Variants in CSMD1 observed in about 807,000 individuals in gnomAD.
The protein encoded by CSMD1 is CUB and sushi domain-containing protein 1.
A neutral mutation model predicts 417.5 loss-of-function variants in CSMD1; 213 were observed. The observed-to-expected ratio is 0.51, with a 90% CI of 0.46 to 0.57. CSMD1 has a LOEUF of 0.57. Ranked by LOEUF, CSMD1 falls within the 20% of genes least tolerant of loss-of-function variation. The pLI, the probability that CSMD1 is intolerant of heterozygous loss-of-function variation, is 0.00. For missense variants in CSMD1, 6,923 were observed against 4,529.7 expected, an observed-to-expected ratio of 1.53 and a Z score of -15.17; for synonymous variants, 2,862 against 1,736.8, an observed-to-expected ratio of 1.65 and a Z score of -16.11.
intron 18 of CSMD1, among the ~76,000 whole-genome samples, chr8:3,379,401 A>C (rs1046337229): frequency 7.9e-5 from 12 of 152,232 alleles, no homozygotes; most frequent in Non-Finnish European, 1.8e-4. Flanking sequence ...AAACTACTTA[A>C]AATGTCATAT....
intron 17 of CSMD1, among the ~76,000 whole-genome samples, chr8:3,390,695 G>C (rs551427749): frequency 2.0e-5 from 3 of 151,514 alleles, no homozygotes; most frequent in African/African-American, 7.3e-5. Flanking sequence ...ATAAGTGACT[G>C]AATACATTTG....
intron 51 of CSMD1, among the ~76,000 whole-genome samples, chr8:3,024,228 T>A (rs1271830850): frequency 6.7e-6 from 1 of 150,216 alleles, no homozygotes; most frequent in South Asian, 2.1e-4. Context: ...ACAGAAAAAA[T>A]GAATTAATGT....
At chr8:3,527,399 G>C (rs1002008252) in intron 10 of CSMD1, among the ~76,000 whole-genome samples, 1 of 152,130 alleles carries the variant, frequency 6.6e-6, no homozygotes, top group Non-Finnish European at 1.5e-5. Context: ...TTCTTGAAAT[G>C]ACAAAATTAT....
In CSMD1 at chr8:4,750,975, G is replaced by C. The variant is rs1381165778; in HGVS notation, c.86-113417C>G. 7.9e-5 allele frequency among the ~76,000 whole-genome samples: 12 copies of C among 152,306 alleles called. No individual in the cohort carries two copies. In the East Asian group the frequency reaches 2.3e-3, roughly 29 times the overall value. On this transcript the variant is annotated intron_variant, in intron 1 of 69. Coordinates refer to ENST00000635120, the MANE Select transcript of CSMD1 (RefSeq NM_033225.6). ...CCATGTCTGTATTGACACTTTAAGGGAAGGCTTTAACCTGGATTGTCAGAC... is the reference window on the plus strand; with the variant it reads ...CCATGTCTGTATTGACACTTTAAGGCAAGGCTTTAACCTGGATTGTCAGAC...
intron 3 of CSMD1, among the ~76,000 whole-genome samples, chr8:4,142,154 T>A (rs1295244368): frequency 6.6e-6 from 1 of 151,184 alleles, no homozygotes; most frequent in Non-Finnish European, 1.5e-5. Context: ...ATGTTAAAAA[T>A]GATACTGGTG....
intron 1 of CSMD1, among the ~76,000 whole-genome samples, chr8:4,855,907 C>G (rs1356991324): frequency 6.7e-6 from 1 of 149,720 alleles, no homozygotes; most frequent in East Asian, 2.0e-4. Flanking sequence ...TCAGGAAATA[C>G]AGAGAACGCC....
chr8:3,150,298 G>C (rs915589624), intron 40 of CSMD1, among the ~76,000 whole-genome samples: 1 of 152,138 alleles, frequency 6.6e-6, no homozygotes, highest in Non-Finnish European at 1.5e-5. Context: ...GGGAGGTGAC[G>C]GACTCCCCAG....
intron 3 of CSMD1, among the ~76,000 whole-genome samples, chr8:4,325,475 C>G (rs552106392): frequency 1.3e-5 from 2 of 152,284 alleles, no homozygotes; most frequent in South Asian, 4.1e-4. Context: ...TACTTTCAAG[C>G]GCTTCCTGTG....
intron 26 of CSMD1, among the ~76,000 whole-genome samples, chr8:3,251,973 A>T (rs1016099025): frequency 3.3e-5 from 5 of 152,210 alleles, no homozygotes; most frequent in African/African-American, 7.2e-5. Flanking sequence ...GGCTGAGACA[A>T]TGCGGTTTTC....
intron 1 of CSMD1, among the ~76,000 whole-genome samples, chr8:4,980,777 GGTCTGTA>G (rs1313233713): frequency 3.9e-5 from 6 of 152,030 alleles, no homozygotes; most frequent in Middle Eastern, 3.4e-3. Flanking sequence ...TGGTGGCATG[GGTCTGTA>G]GTCCCAGCTA....
At chr8:4,159,858 A>AT (rs1409830730) in intron 3 of CSMD1, among the ~76,000 whole-genome samples, 2 of 151,982 alleles carry the variant, frequency 1.3e-5, no homozygotes, top group Admixed American at 1.3e-4. Context: ...TAAAGACCGT[A>AT]TGTTCTCACC....
At chr8:3,088,344 C>G (rs1366035347) in intron 48 of CSMD1, among the ~76,000 whole-genome samples, 1 of 152,200 alleles carries the variant, frequency 6.6e-6, no homozygotes, top group Non-Finnish European at 1.5e-5. Context: ...AACAATACAA[C>G]AGAGAAGGTC....
intron 7 of CSMD1, among the ~76,000 whole-genome samples, chr8:3,669,335 G>A (rs10100407): frequency 0.15 from 22,342 of 152,052 alleles, 1,973 homozygotes; most frequent in South Asian, 0.22. Context: ...TTCCTTCTCA[G>A]GCCCATGCTT....
At chr8:4,867,963 A>G (rs1489143708) in intron 1 of CSMD1, among the ~76,000 whole-genome samples, 1 of 24,102 alleles carries the variant, frequency 4.1e-5, no homozygotes, top group African/African-American at 5.3e-5. Flanking sequence ...AGTGCCTTAG[A>G]TATTTACACG....
rs61287673 is a variant in CSMD1, at chr8:4,676,052, A to G, written c.86-38494T>C. ...CAAATTATTCACTTTTATCCTTTCA[A>G]CAGTCCTAGAAAGTAGAAAGAGAAG... On this transcript the variant is annotated intron_variant, in intron 1 of 69. Transcript: ENST00000635120. 4.8e-3 allele frequency among the ~76,000 whole-genome samples: 734 copies of G among 152,352 alleles called. 11 individuals carry two copies. The highest frequency in any genetic ancestry group is 0.017 in the African/African-American group (704 of 41,590).
At chr8:4,750,148 G>T (rs962433455) in intron 1 of CSMD1, among the ~76,000 whole-genome samples, 4 of 152,122 alleles carry the variant, frequency 2.6e-5, no homozygotes, top group African/African-American at 9.7e-5. Context: ...TGGGACTACA[G>T]GCGCCCGCCA....
intron 1 of CSMD1, among the ~76,000 whole-genome samples, chr8:4,642,662 T>G (rs1301863799): frequency 6.6e-6 from 1 of 152,210 alleles, no homozygotes; most frequent in Non-Finnish European, 1.5e-5. Context: ...AAAACTGGTG[T>G]GCCAAATATG....
intron 5 of CSMD1, among the ~76,000 whole-genome samples, chr8:3,798,225 T>G (rs1183671181): frequency 6.6e-6 from 1 of 152,086 alleles, no homozygotes; most frequent in Non-Finnish European, 1.5e-5. Flanking sequence ...TGAAATGAGC[T>G]GTAGCTTTCC....
At chr8:4,607,340 G>C (rs1374449253) in intron 2 of CSMD1, among the ~76,000 whole-genome samples, 1 of 152,122 alleles carries the variant, frequency 6.6e-6, no homozygotes, top group Non-Finnish European at 1.5e-5. Context: ...AGGGAGTGCG[G>C]GGGACGGGCT....
Sources: allele counts gnomAD v4.1 joint callset (sites outside exome capture counted in the v4.1 genomes callset), GRCh38; gene constraint gnomAD v4.1.1; transcripts MANE v1.5; gene names NCBI Gene and HGNC (gene_info 2026-07-23, HGNC 2026-07-21).